ADGRG1: variants seen among roughly 807,000 people sequenced by gnomAD.
The protein encoded by ADGRG1 is adhesion G protein-coupled receptor G1.
Under a neutral mutation model 73.5 loss-of-function variants are expected in ADGRG1, and 53 were observed. The ratio of observed to expected loss-of-function variants is 0.72; its 90% CI spans 0.58 to 0.91. The LOEUF (loss-of-function observed/expected upper bound fraction) is 0.91. ADGRG1 is among the 40% of genes least tolerant of loss of function. ADGRG1 has a pLI of 0.00. For missense variants in ADGRG1, 795 were observed against 871.8 expected (o/e 0.91, Z 1.11); for synonymous variants, 394 against 374.4 (o/e 1.05, Z -0.60).
At chr16:57,622,728 G>A (rs2035094344), upstream of ADGRG1, 2 of 972,850 alleles carry the variant, frequency 2.1e-6, no homozygotes, top group South Asian at 9.5e-5. Context: ...GCTCTTGGGA[G>A]GCTAGGCAAA....
At chr16:57,650,148 C>G (rs530719922) in intron 1 of ADGRG1, 105 bp from the exon 2 acceptor site, 32 of 1,543,598 alleles carry the variant, frequency 2.1e-5, no homozygotes, top group Middle Eastern at 1.8e-4. Flanking sequence ...ACTTGCTTCC[C>G]CACCTCACCT....
chr16:57,621,228 T>C (rs1011133037), intron 1 of ADGRG1: 31 of 152,140 alleles, frequency 2.0e-4, no homozygotes, highest in African/African-American at 7.2e-4. Context: ...CCCCAGGACT[T>C]AGGGGGAGAC....
At chr16:57,642,685 T>C (rs2041155751) in intron 1 of ADGRG1, 2 of 975,552 alleles carry the variant, frequency 2.1e-6, no homozygotes, top group Non-Finnish European at 2.4e-6. Context: ...CTTTGGCAAG[T>C]TACCTCATGG....
At chr16:57,645,114 C>T in intron 1 of ADGRG1, 1 of 984,646 alleles carries the variant, frequency 1.0e-6, no homozygotes, top group Non-Finnish European at 1.2e-6. Flanking sequence ...CCTCACCCTG[C>T]CGCCCGACCC....
At chr16:57,628,363 C>T, upstream of ADGRG1, 1 of 381,000 alleles carries the variant, frequency 2.6e-6, no homozygotes, top group Non-Finnish European at 3.6e-6. Context: ...GCAGAGTGAT[C>T]CCCGGCCCCT....
intron 2 of ADGRG1, chr16:57,650,602 G>C (rs564396882): frequency 6.1e-6 from 1 of 163,744 alleles, no homozygotes; most frequent in East Asian, 1.9e-4. Context: ...TTCTTGTGCA[G>C]TGTACCACCT....
intron 1 of ADGRG1, among the ~76,000 whole-genome samples, chr16:57,638,898 C>T (rs1305357770): frequency 2.6e-5 from 4 of 152,066 alleles, no homozygotes; most frequent in South Asian, 4.2e-4. Flanking sequence ...AGTGAAACCC[C>T]GTCTCTACTA....
intron 1 of ADGRG1, among the ~76,000 whole-genome samples, chr16:57,648,981 T>C (rs1347599321): frequency 2.6e-5 from 4 of 152,208 alleles, no homozygotes; most frequent in African/African-American, 7.2e-5. Context: ...CAGTGCCCAC[T>C]TCAGAGGGTT....
chr16:57,641,701 G>A, intron 1 of ADGRG1: 1 of 249,462 alleles, frequency 4.0e-6, no homozygotes, highest in Non-Finnish European at 6.3e-6. Context: ...GAGTAGCTGG[G>A]ATTACAGGTG....
chr16:57,650,461 G>C (rs2043764747), intron 2 of ADGRG1, 110 bp downstream of exon 2: 3 of 1,589,806 alleles, frequency 1.9e-6, no homozygotes, highest in Non-Finnish European at 2.6e-6. Flanking sequence ...TTACAGCTCG[G>C]CTAGTGGAGG....
At chr16:57,633,117 A>T in intron 1 of ADGRG1, 1 of 330,240 alleles carries the variant, frequency 3.0e-6, no homozygotes, top group Non-Finnish European at 4.3e-6. Flanking sequence ...CCACTGCCAA[A>T]GATGACAGCT....
intron 1 of ADGRG1, chr16:57,634,599 C>T (rs1421819848): frequency 2.3e-6 from 1 of 441,382 alleles, no homozygotes; most frequent in South Asian, 9.5e-5. Context: ...AGAGCCCGAA[C>T]CCAGTCTCCT....
At chr16:57,633,055 A>C in intron 1 of ADGRG1, 4 of 667,904 alleles carry the variant, frequency 6.0e-6, no homozygotes, top group Admixed American at 6.3e-5. Flanking sequence ...CTGGATGCTC[A>C]AGGCCCATGG....
At chr16:57,644,534 T>C (rs1209849072) in intron 1 of ADGRG1, among the ~76,000 whole-genome samples, 2 of 105,864 alleles carry the variant, frequency 1.9e-5, no homozygotes, top group Non-Finnish European at 3.7e-5. Context: ...ATCACACACA[T>C]GCGCAGGCAC....
Position 57,663,362 on chromosome 16 carries a change from G to A in ADGRG1, c.1934-90G>A, listed in dbSNP as rs2047723187. ...TTGGCAAACACTATGGAGAGGTGGG[G>A]CAGACCCGAGTCACAATGGCTGGGG... On this transcript the variant is annotated intron_variant, in intron 13 of 13. Transcript: ENST00000562631. 3.2e-6 allele frequency: 5 copies of A among 1,573,804 alleles called. No homozygotes were observed. In the Admixed American group the frequency reaches 9.3e-5, roughly 29 times the overall value.
At chr16:57,634,995 G>A (rs2038995517) in intron 1 of ADGRG1, 1 of 985,276 alleles carries the variant, frequency 1.0e-6, no homozygotes, top group Admixed American at 6.1e-5. Flanking sequence ...CTGTCCATGT[G>A]TAAATAGCTC....
chr16:57,656,207 T>C lies in ADGRG1; in HGVS notation c.1018-19T>C. On this transcript the variant is annotated intron_variant, in intron 7 of 13. Coordinates refer to ENST00000562631, the MANE Select transcript of ADGRG1 (RefSeq NM_201525.4). ...TGGGGGGCTGTCACAGAAACCACTC[T>C]CCTTTCTTGTCCCTACAGAAGAATG... The C allele has an allele frequency of 1.2e-6, 2 of 1,613,656 alleles. No homozygotes were observed. Among genetic ancestry groups the C allele is most frequent in the Non-Finnish European group, 1.7e-6 (2 of 1,179,688 alleles).
chr16:57,634,303 G>T, intron 1 of ADGRG1: 1 of 985,416 alleles, frequency 1.0e-6, no homozygotes, highest in Non-Finnish European at 1.2e-6. Context: ...TGCTTTGATG[G>T]TGACAGATGC....
chr16:57,651,802 A>G, intron 3 of ADGRG1, 180 bp downstream of exon 3: 6 of 1,482,728 alleles, frequency 4.0e-6, no homozygotes, highest in Middle Eastern at 4.9e-4. Context: ...TGCTAGGATT[A>G]CAGGCATGAA....
Sources: gnomAD v4.1 joint callset for allele counts (sites outside exome capture counted in the v4.1 genomes callset) on GRCh38, gnomAD v4.1.1 for gene constraint, MANE v1.5 for transcripts, NCBI Gene and HGNC (gene_info 2026-07-23, HGNC 2026-07-21) for gene names.